MTSS1: variants seen among roughly 807,000 people sequenced by gnomAD.
The protein encoded by MTSS1 is MTSS I-BAR domain containing 1, also known as protein MTSS 1.
In MTSS1, 18 loss-of-function variants were observed where a neutral mutation model predicts 79.0. The observed-to-expected ratio is 0.23, with a 90% CI of 0.16 to 0.34. MTSS1 has a LOEUF of 0.34. Ranked by LOEUF, MTSS1 falls within the 10% of genes least tolerant of loss-of-function variation. The pLI is 1.00. For missense variants in MTSS1, 815 were observed against 986.2 expected, an observed-to-expected ratio of 0.83 and a Z score of 2.33; for synonymous variants, 341 against 368.6, an observed-to-expected ratio of 0.93 and a Z score of 0.86.
intron 3 of MTSS1, among the ~76,000 whole-genome samples, chr8:124,622,279 T>G (rs1813714009): frequency 6.7e-6 from 1 of 149,160 alleles, no homozygotes. Flanking sequence ...GTAGAAGACA[T>G]AGAAAATAAA....
At chr8:124,669,276 G>A (rs1823687463) in intron 3 of MTSS1, among the ~76,000 whole-genome samples, 1 of 152,228 alleles carries the variant, frequency 6.6e-6, no homozygotes, top group African/African-American at 2.4e-5. Context: ...AGCACAGCCT[G>A]AGAAACTGTG....
chr8:124,628,128 T>C (rs1389733529), intron 3 of MTSS1, among the ~76,000 whole-genome samples: 2 of 151,980 alleles, frequency 1.3e-5, no homozygotes, highest in East Asian at 1.9e-4. Flanking sequence ...GATCGTGCCA[T>C]TGCACTCCAG....
chr8:124,590,421 C>T (rs955224643), intron 4 of MTSS1, among the ~76,000 whole-genome samples: 1 of 152,124 alleles, frequency 6.6e-6, no homozygotes, highest in Non-Finnish European at 1.5e-5. Context: ...GCTGTGCATG[C>T]GGCATGACAG....
chr8:124,590,507 A>C (rs1160641905), intron 4 of MTSS1, among the ~76,000 whole-genome samples: 1 of 152,228 alleles, frequency 6.6e-6, no homozygotes, highest in Non-Finnish European at 1.5e-5. Context: ...CTCGAGCTGC[A>C]CTGCCAGCCT....
At chr8:124,662,600 T>C (rs60143766) in intron 3 of MTSS1, among the ~76,000 whole-genome samples, 9,120 of 151,696 alleles carry the variant, frequency 0.06, 926 homozygotes, top group African/African-American at 0.21. Context: ...GGTCTAGACA[T>C]ACGTACTGTC....
intron 3 of MTSS1, among the ~76,000 whole-genome samples, chr8:124,611,316 A>G (rs900306941): frequency 1.3e-5 from 2 of 152,242 alleles, no homozygotes; most frequent in Admixed American, 1.3e-4. Flanking sequence ...GACGTACATC[A>G]CAAAAGTGGA....
chr8:124,678,702 T>G (rs1563983875), intron 3 of MTSS1, among the ~76,000 whole-genome samples: 1 of 152,172 alleles, frequency 6.6e-6, no homozygotes, highest in Non-Finnish European at 1.5e-5. Flanking sequence ...CAGTTCAAGA[T>G]GAGATTTGGG....
intron 9 of MTSS1, chr8:124,563,304 T>C (rs1203651717): frequency 5.5e-6 from 2 of 365,910 alleles, no homozygotes; most frequent in Non-Finnish European, 5.1e-6. Context: ...AAACGTCAAG[T>C]GCGCCCAACT....
chr8:124,709,162 C>T (rs1830796354), intron 1 of MTSS1, among the ~76,000 whole-genome samples: 2 of 152,106 alleles, frequency 1.3e-5, no homozygotes, highest in Admixed American at 1.3e-4. Flanking sequence ...GACAGCAAGA[C>T]TACATAAAGG....
At chr8:124,716,699 T>C (rs1490728764) in intron 1 of MTSS1, among the ~76,000 whole-genome samples, 3 of 152,088 alleles carry the variant, frequency 2.0e-5, no homozygotes, top group African/African-American at 7.2e-5. Context: ...CACAGCAAGA[T>C]TTGAGAATCA....
chr8:124,704,317 C>T, intron 1 of MTSS1, 126 bp from the exon 2 acceptor site: 2 of 830,320 alleles, frequency 2.4e-6, no homozygotes, highest in South Asian at 2.9e-5. Flanking sequence ...TGCAGGTCTG[C>T]AATACGTTTC....
intron 8 of MTSS1, 129 bp downstream of exon 8, chr8:124,566,942 A>C: frequency 1.4e-6 from 1 of 698,012 alleles, no homozygotes; most frequent in Admixed American, 2.7e-5. Flanking sequence ...GATTTCATAT[A>C]TTACATCATG....
intron 3 of MTSS1, among the ~76,000 whole-genome samples, chr8:124,646,752 T>C (rs1160100573): frequency 6.6e-6 from 1 of 151,992 alleles, no homozygotes; most frequent in African/African-American, 2.4e-5. Flanking sequence ...TAAATAAACA[T>C]GTTGTATAAC....
At chr8:124,583,145 G>T (rs983102126) in intron 6 of MTSS1, among the ~76,000 whole-genome samples, 1 of 152,182 alleles carries the variant, frequency 6.6e-6, no homozygotes, top group Non-Finnish European at 1.5e-5. Context: ...GAAAAGACAC[G>T]GTGCCAGAGA....
At chr8:124,653,359 T>C (rs1563937564) in intron 3 of MTSS1, among the ~76,000 whole-genome samples, 1 of 152,248 alleles carries the variant, frequency 6.6e-6, no homozygotes, top group African/African-American at 2.4e-5. Flanking sequence ...TCATATGTTA[T>C]GTCTTCTGTA....
intron 1 of MTSS1, 85 bp from the exon 2 acceptor site, chr8:124,704,276 C>A: frequency 8.5e-7 from 1 of 1,170,280 alleles, no homozygotes; most frequent in Non-Finnish European, 1.3e-6. Context: ...TCCAATCATG[C>A]AGGGAACAAT....
In MTSS1 at chr8:124,591,227, T is replaced by C. The variant is rs1831825484; in HGVS notation, c.217A>G (p.Arg73Gly). ...CTGGTGAGAGCAGATCCAATCTCCCTGGTCCCACCTGAAAAAGCAACAGAG... is the reference window on the plus strand; with the variant it reads ...CTGGTGAGAGCAGATCCAATCTCCCCGGTCCCACCTGAAAAAGCAACAGAG... ...DMATNTRGGT[R>G]EIGSALTRMC... The change falls in exon 4 of 14, where the codon AGG becomes GGG. Residue 73 changes from arginine to glycine, a missense_variant. This residue lies in a region of MTSS1 where 225 missense variants were observed against 365.4 expected (regional missense o/e 0.62). Coordinates refer to ENST00000518547, the MANE Select transcript of MTSS1 (RefSeq NM_014751.6). The C allele has an allele frequency of 3.7e-6, 6 of 1,614,146 alleles. No individual in the cohort carries two copies. Among genetic ancestry groups the C allele is most frequent in the Non-Finnish European group, 5.1e-6 (6 of 1,179,978 alleles).
chr8:124,707,321 AG>A (rs34834020), intron 1 of MTSS1, among the ~76,000 whole-genome samples: 26,044 of 151,654 alleles, frequency 0.17, 2,402 homozygotes, highest in South Asian at 0.24. Context: ...CTGAGGCAGG[AG>A]GATCACTTGA....
At chr8:124,661,603 G>C (rs1428293117) in intron 3 of MTSS1, among the ~76,000 whole-genome samples, 1 of 152,226 alleles carries the variant, frequency 6.6e-6, no homozygotes, top group African/African-American at 2.4e-5. Context: ...TGCAGACACT[G>C]CTGGGAGAGG....
Sources: gnomAD v4.1 joint callset for allele counts (sites outside exome capture counted in the v4.1 genomes callset) on GRCh38, gnomAD v4.1.1 for gene constraint, gnomAD v4.1.1 regional missense constraint, MANE v1.5 for transcripts, NCBI Gene and HGNC (gene_info 2026-07-23, HGNC 2026-07-21) for gene names.